NCKAP5: variants seen among roughly 807,000 people sequenced by gnomAD.
NCKAP5 encodes the protein NCK associated protein 5, also known as nck-associated protein 5.
In NCKAP5, 92 loss-of-function variants were observed where a neutral mutation model predicts 167.0. That is an observed-to-expected ratio of 0.55 (90% confidence interval 0.47 to 0.66). NCKAP5 has a LOEUF of 0.66. Ranked by LOEUF, NCKAP5 falls within the 30% of genes least tolerant of loss-of-function variation. The pLI, the probability that NCKAP5 is intolerant of heterozygous loss-of-function variation, is 0.00. For synonymous variants in NCKAP5, 891 were observed against 877.4 expected (o/e 1.02, Z -0.27); for missense variants, 2,378 against 2,315.0 (o/e 1.03, Z -0.56).
In NCKAP5 at chr2:132,725,618, G is replaced by A. The variant is rs771734885; in HGVS notation, c.5713+9C>T. 36 of 1,603,796 alleles carry A rather than the reference G, an allele frequency of 2.2e-5. No individual in the cohort carries two copies. The highest frequency in any genetic ancestry group is 6.8e-5 in the South Asian group (6 of 88,524). On this transcript the variant is annotated intron_variant, in intron 19 of 19. Coordinates refer to ENST00000409261, the MANE Select transcript of NCKAP5 (RefSeq NM_207363.3). ...AACCTGCAGGGCCAGCAAGTTCGCTGGTTGTTACCTGGGGCAGCGCTCTTC... is the reference window on the plus strand; with the variant it reads ...AACCTGCAGGGCCAGCAAGTTCGCTAGTTGTTACCTGGGGCAGCGCTCTTC...
intron 3 of NCKAP5, among the ~76,000 whole-genome samples, chr2:133,435,728 C>G (rs574063733): frequency 6.6e-6 from 1 of 152,296 alleles, no homozygotes; most frequent in South Asian, 2.1e-4. Flanking sequence ...TTTGAGATAT[C>G]CACATGTGGC....
At chr2:132,859,627 G>C (rs1480860278) in intron 11 of NCKAP5, among the ~76,000 whole-genome samples, 1 of 152,208 alleles carries the variant, frequency 6.6e-6, no homozygotes, top group East Asian at 1.9e-4. Context: ...GGATGGACAA[G>C]GACCTTCCTC....
chr2:133,466,816 G>T (rs1044283554), intron 3 of NCKAP5, among the ~76,000 whole-genome samples: 1 of 151,948 alleles, frequency 6.6e-6, no homozygotes, highest in Non-Finnish European at 1.5e-5. Context: ...CTGTTTGTCT[G>T]TTGTTGGTGT....
intron 6 of NCKAP5, among the ~76,000 whole-genome samples, chr2:133,099,328 AT>A (rs1038799136): frequency 6.6e-6 from 1 of 152,086 alleles, no homozygotes; most frequent in African/African-American, 2.4e-5. Flanking sequence ...GAATTTGATT[AT>A]TTTTTTTCCA....
chr2:133,610,486 C>G, the NCKAP5 span, among the ~76,000 whole-genome samples: 7 of 152,104 alleles, frequency 4.6e-5, no homozygotes, highest in Non-Finnish European at 8.8e-5. Context: ...TCTTTGATCC[C>G]CATAATGTCA....
chr2:133,223,824 G>A (rs764275529), intron 4 of NCKAP5, among the ~76,000 whole-genome samples: 2 of 152,080 alleles, frequency 1.3e-5, no homozygotes, highest in Non-Finnish European at 2.9e-5. Flanking sequence ...AACAGGACTG[G>A]CATGTAAAAC....
At chr2:133,478,263 A>G (rs1444576932) in intron 3 of NCKAP5, among the ~76,000 whole-genome samples, 2 of 152,194 alleles carry the variant, frequency 1.3e-5, no homozygotes, top group Non-Finnish European at 2.9e-5. Flanking sequence ...GACTTTTGCA[A>G]TATTACTGAT....
intron 3 of NCKAP5, among the ~76,000 whole-genome samples, chr2:133,512,007 A>G (rs1266174044): frequency 6.6e-6 from 1 of 152,178 alleles, no homozygotes; most frequent in Non-Finnish European, 1.5e-5. Context: ...TCTGTGCAGT[A>G]TCCCTATGGT....
intron 4 of NCKAP5, among the ~76,000 whole-genome samples, chr2:133,237,592 C>A (rs2087482731): frequency 6.6e-6 from 1 of 152,178 alleles, no homozygotes; most frequent in South Asian, 2.1e-4. Context: ...AACAGCCTTT[C>A]TGAAGCTCAC....
intron 19 of NCKAP5, among the ~76,000 whole-genome samples, chr2:132,716,148 A>C (rs1573971026): frequency 6.6e-6 from 1 of 152,246 alleles, no homozygotes; most frequent in East Asian, 1.9e-4. Flanking sequence ...GCACAATTGC[A>C]CTGGTGAGAC....
At chr2:132,810,149 A>G (rs1685747987) in intron 11 of NCKAP5, among the ~76,000 whole-genome samples, 1 of 152,202 alleles carries the variant, frequency 6.6e-6, no homozygotes, top group African/African-American at 2.4e-5. Flanking sequence ...CTGCTGAGAA[A>G]TCTGCTGTTA....
Position 132,971,740 on chromosome 2 carries a change from T to C in NCKAP5, c.430-7871A>G, listed in dbSNP as rs141224773. On this transcript the variant is annotated intron_variant, in intron 7 of 19. Transcript: ENST00000409261. ...CTAACAGTGACAAGCAACATTTCCT[T>C]ATTTCAATGTTTCTCAGAGAGTGGG... Among the ~76,000 whole-genome samples, 15 of 152,336 alleles carry C rather than the reference T, an allele frequency of 9.8e-5. No homozygotes were observed. The East Asian group carries it at 2.7e-3, about 27-fold the overall frequency.
intron 4 of NCKAP5, among the ~76,000 whole-genome samples, chr2:133,248,652 G>A (rs1401149679): frequency 1.3e-5 from 2 of 152,188 alleles, no homozygotes; most frequent in South Asian, 4.1e-4. Flanking sequence ...ATAAAATATA[G>A]GGACAAGACT....
At chr2:133,011,613 T>C (rs2078163109) in intron 6 of NCKAP5, among the ~76,000 whole-genome samples, 1 of 152,250 alleles carries the variant, frequency 6.6e-6, no homozygotes, top group South Asian at 2.1e-4. Context: ...AATCTTCTTA[T>C]GAGTGAACAT....
intron 3 of NCKAP5, among the ~76,000 whole-genome samples, chr2:133,362,448 A>ATGTG (rs1413106933): frequency 6.6e-6 from 1 of 152,176 alleles, no homozygotes; most frequent in Admixed American, 6.5e-5. Context: ...GAACAGAAAA[A>ATGTG]TGTGTTTGTT....
intron 6 of NCKAP5, among the ~76,000 whole-genome samples, chr2:133,018,463 T>C (rs554111709): frequency 3.4e-3 from 512 of 152,346 alleles, no homozygotes; most frequent in Non-Finnish European, 6.4e-3. Flanking sequence ...TCAGACAGTC[T>C]GGGTTTAAGT....
intron 3 of NCKAP5, among the ~76,000 whole-genome samples, chr2:133,462,889 G>C (rs200597454): frequency 2.0e-5 from 3 of 152,074 alleles, no homozygotes; most frequent in African/African-American, 4.8e-5. Flanking sequence ...ATCTTCCACC[G>C]GCCCTACTCC....
the NCKAP5 span, among the ~76,000 whole-genome samples, chr2:133,600,103 G>A: frequency 6.0e-3 from 909 of 152,240 alleles, 28 homozygotes; most frequent in Admixed American, 0.052. Context: ...GAATTTCTTC[G>A]GGACTCCATT....
chr2:132,817,830 C>G (rs1279963463), intron 11 of NCKAP5, among the ~76,000 whole-genome samples: 3 of 152,158 alleles, frequency 2.0e-5, no homozygotes, highest in Non-Finnish European at 4.4e-5. Flanking sequence ...CAGAACCCAG[C>G]CCTACTCTTA....
Sources: allele counts gnomAD v4.1 joint callset (sites outside exome capture counted in the v4.1 genomes callset), GRCh38; gene constraint gnomAD v4.1.1; transcripts MANE v1.5; gene names NCBI Gene and HGNC (gene_info 2026-07-23, HGNC 2026-07-21).